COL4A5: variants seen among roughly 807,000 people sequenced by gnomAD.
The protein encoded by COL4A5 is collagen alpha-5(IV) chain.
COL4A5 carries 26 observed loss-of-function variants against 130.2 expected under a neutral mutation model. The observed-to-expected ratio is 0.20, with a 90% CI of 0.15 to 0.28. The LOEUF is 0.28. Among genes scored for constraint, COL4A5 ranks in the 10% least tolerant of loss-of-function variants. The pLI, the probability that COL4A5 is intolerant of heterozygous loss-of-function variation, is 1.00. For missense variants in COL4A5, 1,131 were observed against 1,344.3 expected (o/e 0.84, Z 2.48); for synonymous variants, 496 against 439.6 (o/e 1.13, Z -1.60).
At chrX:108,453,629 G>A (rs1190950926) in intron 1 of COL4A5, among the ~76,000 whole-genome samples, 1 of 111,446 alleles carries the variant, frequency 9.0e-6, no homozygotes. Flanking sequence ...AGAGTAAAAA[G>A]GTCTTGAAAA....
chrX:108,569,394 A>AT (rs941864823), intron 6 of COL4A5, among the ~76,000 whole-genome samples: 9 of 110,262 alleles, frequency 8.2e-5, no homozygotes, highest in East Asian at 2.8e-4. Flanking sequence ...TATAGCAAAC[A>AT]TTTTTTTTTC....
rs1336378365 is a variant in COL4A5 at position 108,697,356 on chromosome X, T to A, written c.*978T>A. The A allele has an allele frequency of 9.0e-6, 1 of 110,555 alleles. No homozygotes were observed. 9.1% of individuals were successfully genotyped at this position (110,555 alleles called of 1,213,427 possible). ...CCTGTGGCCTCTGCTTGTACAGAAC[T>A]GGGAAACAACACTTGGTTAGTCTCT... On this transcript the variant is annotated 3_prime_UTR_variant, in exon 53 of 53. Transcript: ENST00000328300.
intron 21 of COL4A5, among the ~76,000 whole-genome samples, chrX:108,592,139 A>G (rs1397166137): frequency 9.0e-6 from 1 of 111,310 alleles, no homozygotes; most frequent in Non-Finnish European, 1.9e-5. Flanking sequence ...CTTGCTTCCT[A>G]CTTCACTGAC....
rs188485750 is a variant in COL4A5 at position 108,560,964 on chromosome X, C to G, written c.231+1811C>G. 1.8e-3 allele frequency among the ~76,000 whole-genome samples: 206 copies of G among 111,396 alleles called. 2 individuals carry two copies. The highest frequency in any genetic ancestry group is 4.6e-3 in the Middle Eastern group (1 of 217). On this transcript the variant is annotated intron_variant, in intron 3 of 52. Coordinates refer to ENST00000328300, the MANE Select transcript of COL4A5 (RefSeq NM_033380.3). ...AATGGCAGATCATATGTCCCTTTTC[C>G]CAGATAATTCAATTGCTTCCATATG...
intron 13 of COL4A5, among the ~76,000 whole-genome samples, chrX:108,578,802 C>T (rs1255206026): frequency 9.2e-6 from 1 of 108,500 alleles, no homozygotes; most frequent in Non-Finnish European, 1.9e-5. Context: ...GCCTCAGCTT[C>T]CCAAGTAGCT....
At chrX:108,678,282 T>C (rs2068349263) in intron 44 of COL4A5, among the ~76,000 whole-genome samples, 1 of 111,544 alleles carries the variant, frequency 9.0e-6, no homozygotes, top group African/African-American at 3.3e-5. Context: ...GACTGCTTTA[T>C]GGCAGAAAAA....
intron 1 of COL4A5, among the ~76,000 whole-genome samples, chrX:108,511,686 G>A (rs901263367): frequency 8.9e-6 from 1 of 111,923 alleles, no homozygotes; most frequent in African/African-American, 3.2e-5. Context: ...TTTCAACAAG[G>A]ATGCCAAGAC....
rs2066902225 is a variant in COL4A5, at chrX:108,615,036, G to A, written c.2509+12G>A. The A allele has an allele frequency of 1.8e-6, 2 of 1,099,220 alleles. No homozygotes were observed. Among genetic ancestry groups the A allele is most frequent in the Non-Finnish European group, 2.5e-6 (2 of 793,656 alleles). 90.6% of individuals were successfully genotyped at this position (1,099,220 alleles called of 1,213,427 possible). A position where few individuals can be genotyped will look rare whatever the true frequency, so the allele number is the denominator to read the frequency against. On this transcript the variant is annotated intron_variant, in intron 30 of 52. Transcript: ENST00000328300. ...AATAGGTCAACCTGGTAAGATTAGA[G>A]TAAATGTGCATTTTGTAGCACTCAT... is the stretch of plus-strand genomic sequence containing the variant.
intron 38 of COL4A5, among the ~76,000 whole-genome samples, chrX:108,665,852 A>T: frequency 8.9e-6 from 1 of 111,807 alleles, no homozygotes; most frequent in Non-Finnish European, 1.9e-5. Context: ...GGAGCTCGAG[A>T]CTAGCTTGGT....
At chrX:108,488,608 A>G (rs1286745711) in intron 1 of COL4A5, among the ~76,000 whole-genome samples, 2 of 112,497 alleles carry the variant, frequency 1.8e-5, no homozygotes, top group Non-Finnish European at 3.8e-5. Flanking sequence ...CAAACATTAT[A>G]TCTTTATGAA....
intron 19 of COL4A5, 66 bp from the exon 20 acceptor site, chrX:108,590,992 G>A: frequency 3.1e-6 from 3 of 972,723 alleles, no homozygotes; most frequent in East Asian, 6.2e-5. Context: ...ATTATCTAAT[G>A]TCTCAATGAG....
chrX:108,548,735 G>A (rs928642648), intron 2 of COL4A5, among the ~76,000 whole-genome samples: 2 of 111,139 alleles, frequency 1.8e-5, no homozygotes, highest in African/African-American at 3.3e-5. Context: ...AAAAGCTAGA[G>A]AAAAATTTAC....
intron 37 of COL4A5, among the ~76,000 whole-genome samples, chrX:108,664,936 A>C (rs186875952): frequency 8.9e-6 from 1 of 112,206 alleles, no homozygotes; most frequent in Admixed American, 9.5e-5. Context: ...AGGATCTGGA[A>C]CAATTGGAAT....
At position 108,696,488 on chromosome X, in the gene COL4A5, G is replaced by T; in HGVS notation, c.*110G>T. ...CTTTACTACTGCTGCCGTCAATGGT[G>T]CTACTATATATGATCAAGATAACAT... is the stretch of plus-strand genomic sequence containing the variant. On this transcript the variant is annotated 3_prime_UTR_variant, in exon 53 of 53. Coordinates refer to ENST00000328300, the MANE Select transcript of COL4A5 (RefSeq NM_033380.3). 3.6e-6 allele frequency: 2 copies of T among 560,598 alleles called. No individual in the cohort carries two copies. Among genetic ancestry groups the T allele is most frequent in the Non-Finnish European group, 6.0e-6 (2 of 334,330 alleles). The allele number at this position is 560,598 out of a possible 1,213,427, so 46.2% of individuals were successfully genotyped here.
intron 37 of COL4A5, among the ~76,000 whole-genome samples, chrX:108,658,854 C>T (rs1180982199): frequency 9.0e-6 from 1 of 111,062 alleles, no homozygotes; most frequent in Non-Finnish European, 1.9e-5. Flanking sequence ...AATTAACTTT[C>T]GTAAGTGATT....
intron 1 of COL4A5, among the ~76,000 whole-genome samples, chrX:108,477,325 C>T (rs892003341): frequency 1.8e-5 from 2 of 111,476 alleles, no homozygotes; most frequent in African/African-American, 3.3e-5. Flanking sequence ...GTCATAATTA[C>T]GCCTAACATA....
In COL4A5 at chrX:108,606,614, C is replaced by A. The variant is rs182882958; in HGVS notation, c.2245-128C>A. 120 of 698,194 alleles carry A rather than the reference C, an allele frequency of 1.7e-4. No individual in the cohort carries two copies. In the East Asian group the frequency reaches 3.7e-3, roughly 22 times the overall value. 57.5% of individuals were successfully genotyped at this position (698,194 alleles called of 1,213,427 possible). ...TACCAATTACTTTTTATTTAATTAT[C>A]TTCTCCTCTCCCCCCATGGAAGGAA... On this transcript the variant is annotated intron_variant, in intron 28 of 52. Transcript: ENST00000328300.
At chrX:108,588,442 T>G (rs1414450179) in intron 19 of COL4A5, among the ~76,000 whole-genome samples, 3 of 110,868 alleles carry the variant, frequency 2.7e-5, no homozygotes, top group Non-Finnish European at 5.7e-5. Context: ...TCTGGAAAAT[T>G]GAAATAAAGA....
chrX:108,639,311 G>A (rs2067414503), intron 36 of COL4A5, among the ~76,000 whole-genome samples: 1 of 110,856 alleles, frequency 9.0e-6, no homozygotes, highest in Non-Finnish European at 1.9e-5. Context: ...TGCATGCTGG[G>A]TAAAATGAAT....
Sources: gnomAD v4.1 joint callset for allele counts (sites outside exome capture counted in the v4.1 genomes callset) on GRCh38, gnomAD v4.1.1 for gene constraint, MANE v1.5 for transcripts, NCBI Gene and HGNC (gene_info 2026-07-23, HGNC 2026-07-21) for gene names.